Variants in EXTL3 observed in about 807,000 individuals in gnomAD.
EXTL3 encodes the protein exostosin-like 3.
In EXTL3, 27 loss-of-function variants were observed where a neutral mutation model predicts 69.3. The ratio of observed to expected loss-of-function variants is 0.39; its 90% CI spans 0.29 to 0.54. The LOEUF is 0.54. Ranked by LOEUF, EXTL3 falls within the 20% of genes least tolerant of loss-of-function variation. EXTL3 has a pLI of 0.69. For missense variants in EXTL3, 1,003 were observed against 1,231.8 expected, an observed-to-expected ratio of 0.81 and a Z score of 2.78; for synonymous variants, 511 against 499.4, an observed-to-expected ratio of 1.02 and a Z score of -0.31.
intron 1 of EXTL3, among the ~76,000 whole-genome samples, chr8:28,645,407 T>A (rs912192879): frequency 2.6e-5 from 4 of 152,180 alleles, no homozygotes; most frequent in Admixed American, 2.6e-4. Context: ...ATTTAACACA[T>A]AAGTACAATG....
intron 4 of EXTL3, among the ~76,000 whole-genome samples, chr8:28,732,093 G>A (rs1801549634): frequency 6.6e-6 from 1 of 152,192 alleles, no homozygotes. Context: ...GGGTTCAAAT[G>A]CAGGTTTGTC....
intron 2 of EXTL3, among the ~76,000 whole-genome samples, chr8:28,614,037 C>T (rs947429614): frequency 3.3e-5 from 5 of 151,624 alleles, no homozygotes; most frequent in African/African-American, 1.2e-4. Flanking sequence ...ACGTCATGAG[C>T]CCAGGCTGGT....
At chr8:28,628,022 C>A (rs977409262) in intron 1 of EXTL3, among the ~76,000 whole-genome samples, 1 of 152,098 alleles carries the variant, frequency 6.6e-6, no homozygotes, top group African/African-American at 2.4e-5. Flanking sequence ...GATGGTTACA[C>A]AACAATGTGA....
At chr8:28,731,685 C>A (rs537526442) in intron 4 of EXTL3, among the ~76,000 whole-genome samples, 1 of 151,842 alleles carries the variant, frequency 6.6e-6, no homozygotes, top group East Asian at 1.9e-4. Context: ...GTAGAGGCAA[C>A]GGGTAGGGTA....
downstream of EXTL3, among the ~76,000 whole-genome samples, chr8:28,756,318 A>G (rs1278418118): frequency 2.0e-5 from 3 of 152,178 alleles, no homozygotes; most frequent in Admixed American, 6.5e-5. Context: ...TTAGTTTTCC[A>G]TATTCTAGAA....
chr8:28,687,435 C>G (rs918943759), intron 1 of EXTL3, among the ~76,000 whole-genome samples: 4 of 152,142 alleles, frequency 2.6e-5, no homozygotes, highest in Non-Finnish European at 5.9e-5. Flanking sequence ...CACTGCACTC[C>G]AGCCTGGGCA....
chr8:28,696,296 C>T (rs1332051020), intron 1 of EXTL3: 5 of 152,188 alleles, frequency 3.3e-5, no homozygotes, highest in Non-Finnish European at 7.3e-5. Flanking sequence ...AAACTGAACA[C>T]ACCTGTGAAC....
chr8:28,724,161 C>T (rs979894876), intron 3 of EXTL3, among the ~76,000 whole-genome samples: 1 of 151,922 alleles, frequency 6.6e-6, no homozygotes, highest in African/African-American at 2.4e-5. Context: ...TAATTGTTAA[C>T]AGTTTTTGGG....
Position 28,754,893 on chromosome 8 carries a change from A to G in EXTL3, c.*4027A>G, listed in dbSNP as rs755641850. 1.3e-5 allele frequency: 2 copies of G among 152,276 alleles called. No homozygotes were observed. Among genetic ancestry groups the G allele is most frequent in the African/African-American group, 4.8e-5 (2 of 41,438 alleles). The allele number at this position is 152,276 out of a possible 1,614,324, so 9.4% of individuals were successfully genotyped here. On this transcript the variant is annotated 3_prime_UTR_variant, in exon 7 of 7. Transcript: ENST00000220562. Reference sequence around the variant, plus strand: ...GTCTGGGCAACATAGCAAGACCCCCATCTCTACAAAAAAATTAGAATGTTA... The same window carrying G: ...GTCTGGGCAACATAGCAAGACCCCCGTCTCTACAAAAAAATTAGAATGTTA...
rs1044873617 is a variant in EXTL3 at position 28,675,749 on chromosome 8, C to T, written c.-52-37708C>T. 1.3e-4 allele frequency among the ~76,000 whole-genome samples: 20 copies of T among 152,202 alleles called. 1 individual carries two copies. Among genetic ancestry groups the T allele is most frequent in the South Asian group, 4.2e-4 (2 of 4,812 alleles). ...AGAAAATGTTGAATCTGGCTGGGCG[C>T]GGCAGCTCATGCCTGTAATCCCAGC... is the stretch of plus-strand genomic sequence containing the variant. On this transcript the variant is annotated intron_variant, in intron 1 of 6. Transcript: ENST00000523149.
chr8:28,712,360 GA>G (rs1801047274), intron 1 of EXTL3, among the ~76,000 whole-genome samples: 1 of 152,154 alleles, frequency 6.6e-6, no homozygotes, highest in South Asian at 2.1e-4. Flanking sequence ...AAAATATTGA[GA>G]GGGGAGGCGT....
intron 6 of EXTL3, among the ~76,000 whole-genome samples, chr8:28,749,098 C>T (rs145189181): frequency 2.1e-4 from 32 of 152,140 alleles, no homozygotes; most frequent in African/African-American, 6.0e-4. Flanking sequence ...ACATAGGACA[C>T]GCACAGGTAA....
At chr8:28,619,017 G>A (rs1806366198), upstream of EXTL3, among the ~76,000 whole-genome samples, 1 of 148,848 alleles carries the variant, frequency 6.7e-6, no homozygotes, top group Non-Finnish European at 1.5e-5. Flanking sequence ...GCTTGAACCT[G>A]GGAGGCGGAG....
rs532465180 is a variant in EXTL3, at chr8:28,732,980, C to T, written c.2276+1630C>T. On this transcript the variant is annotated intron_variant, in intron 4 of 6. Coordinates refer to ENST00000220562, the MANE Select transcript of EXTL3 (RefSeq NM_001440.4). ...CTCCTGAGCTCAGGCAACCTGCCCGCCTCGGCCTCCCAGAGTGCTGGGATT... is the reference window on the plus strand; with the variant it reads ...CTCCTGAGCTCAGGCAACCTGCCCGTCTCGGCCTCCCAGAGTGCTGGGATT... Among the ~76,000 whole-genome samples, 19 of 152,354 alleles carry T rather than the reference C, an allele frequency of 1.2e-4. No homozygotes were observed. In the South Asian group the frequency reaches 1.4e-3, roughly 12 times the overall value.
In EXTL3 at chr8:28,750,828, C is replaced by T. The variant is rs1335962329; in HGVS notation, c.2722C>T (p.Leu908=). ...RVDSVLFKTR[L]PHDKTKCFKF... Reference sequence around the variant, plus strand: ...GGATTCTGTGCTCTTCAAGACACGCCTGCCCCATGACAAGACCAAGTGCTT... The same window carrying T: ...GGATTCTGTGCTCTTCAAGACACGCTTGCCCCATGACAAGACCAAGTGCTT... Residue 908 remains leucine, a synonymous_variant, in exon 7 of 7, where the codon CTG becomes TTG. Coordinates refer to ENST00000220562, the MANE Select transcript of EXTL3 (RefSeq NM_001440.4). The surrounding 1 kb of genome is among the most constrained non-coding windows in gnomAD (Gnocchi z 5.2). 1.9e-6 allele frequency: 3 copies of T among 1,614,186 alleles called. No homozygotes were observed. Among genetic ancestry groups the T allele is most frequent in the South Asian group, 1.1e-5 (1 of 91,090 alleles).
Position 28,723,282 on chromosome 8 carries a change from A to T in EXTL3, c.2148+5075A>T, listed in dbSNP as rs114794017. On this transcript the variant is annotated intron_variant, in intron 3 of 6. Transcript: ENST00000220562. Reference sequence around the variant, plus strand: ...CTGGTGCACTTCACTAGGAGCTGGCACATCTGGGTGGTTCGTCTTTCTCTT... The same window carrying T: ...CTGGTGCACTTCACTAGGAGCTGGCTCATCTGGGTGGTTCGTCTTTCTCTT... 1.1e-3 allele frequency among the ~76,000 whole-genome samples: 160 copies of T among 152,170 alleles called. 1 individual carries two copies. Among genetic ancestry groups the T allele is most frequent in the Middle Eastern group, 3.4e-3 (1 of 292 alleles).
intron 1 of EXTL3, among the ~76,000 whole-genome samples, chr8:28,672,897 G>A (rs1390994290): frequency 2.0e-5 from 3 of 152,048 alleles, no homozygotes; most frequent in Non-Finnish European, 2.9e-5. Context: ...TAATTGAATC[G>A]GGGGGTGGGT....
chr8:28,728,267 C>G (rs1801455921), intron 3 of EXTL3, among the ~76,000 whole-genome samples: 1 of 152,232 alleles, frequency 6.6e-6, no homozygotes, highest in South Asian at 2.1e-4. Context: ...AGTCCGGCCC[C>G]TTCTTGCCAC....
intron 1 of EXTL3, among the ~76,000 whole-genome samples, chr8:28,679,945 A>G (rs1282812976): frequency 2.0e-5 from 3 of 152,174 alleles, no homozygotes; most frequent in Non-Finnish European, 4.4e-5. Context: ...ATTACAACTC[A>G]ATCCAGGCTT....
Sources: gnomAD v4.1 joint callset for allele counts (sites outside exome capture counted in the v4.1 genomes callset) on GRCh38, gnomAD v4.1.1 for gene constraint, Gnocchi (gnomAD v3.1) non-coding constraint, MANE v1.5 for transcripts, NCBI Gene and HGNC (gene_info 2026-07-23, HGNC 2026-07-21) for gene names.